PRDM5: variants seen among roughly 807,000 people sequenced by gnomAD.
The protein encoded by PRDM5 is PR domain zinc finger protein 5.
PRDM5 carries 56 observed loss-of-function variants against 81.2 expected under a neutral mutation model. The observed-to-expected ratio is 0.69, with a 90% confidence interval of 0.56 to 0.86. The LOEUF (loss-of-function observed/expected upper bound fraction) is 0.86, where lower values mean the gene tolerates loss of function less well. Among genes scored for constraint, PRDM5 ranks in the 40% least tolerant of loss-of-function variants. The pLI is 0.00. For synonymous variants in PRDM5, 267 were observed against 256.4 expected (o/e 1.04, Z -0.39); for missense variants, 697 against 770.1 (o/e 0.91, Z 1.12).
intron 2 of PRDM5, among the ~76,000 whole-genome samples, chr4:120,893,145 T>C (rs113247256): frequency 6.6e-6 from 1 of 152,340 alleles, no homozygotes; most frequent in African/African-American, 2.4e-5. Context: ...AGAAGGAAGA[T>C]GGCAGGCTGC....
chr4:120,824,437 T>C (rs981245780), intron 3 of PRDM5, among the ~76,000 whole-genome samples: 1 of 152,206 alleles, frequency 6.6e-6, no homozygotes, highest in Non-Finnish European at 1.5e-5. Flanking sequence ...CTGCTTGTGA[T>C]TCAAGTCACT....
rs563843611 is a variant in PRDM5, at chr4:120,889,510, C to T, written c.177+17964G>A. On this transcript the variant is annotated intron_variant, in intron 2 of 15. Transcript: ENST00000264808. ...TAAATTATAAAATCAATTTCCATACCATCACCCTCCTTGCAAAAAAAATTA... is the reference window on the plus strand; with the variant it reads ...TAAATTATAAAATCAATTTCCATACTATCACCCTCCTTGCAAAAAAAATTA... Among the ~76,000 whole-genome samples the T allele has an allele frequency of 1.8e-3, 273 of 152,122 alleles. 3 individuals are homozygous for T. The highest frequency in any genetic ancestry group is 3.7e-3 in the South Asian group (18 of 4,812).
chr4:120,870,002 A>C (rs1334459089), intron 2 of PRDM5, among the ~76,000 whole-genome samples: 1 of 150,954 alleles, frequency 6.6e-6, no homozygotes, highest in African/African-American at 2.5e-5. Context: ...AAGAGGAGGA[A>C]GTAGAGGAGA....
At chr4:120,706,899 A>C (rs1736249859) in intron 15 of PRDM5, among the ~76,000 whole-genome samples, 1 of 151,676 alleles carries the variant, frequency 6.6e-6, no homozygotes, top group Non-Finnish European at 1.5e-5. Context: ...AAAATTAAAA[A>C]GACCAATAAA....
chr4:120,714,293 T>C (rs190580892), intron 14 of PRDM5, among the ~76,000 whole-genome samples: 1 of 152,336 alleles, frequency 6.6e-6, no homozygotes, highest in East Asian at 1.9e-4. Context: ...TCCAATGAGA[T>C]ATATAATAGA....
chr4:120,768,904 T>C (rs909863872), intron 13 of PRDM5, among the ~76,000 whole-genome samples: 4 of 152,180 alleles, frequency 2.6e-5, no homozygotes, highest in Admixed American at 6.5e-5. Flanking sequence ...TGTTATACAG[T>C]TTGTTTTCCC....
intron 13 of PRDM5, among the ~76,000 whole-genome samples, chr4:120,757,268 T>G (rs2149163923): frequency 6.6e-6 from 1 of 152,314 alleles, no homozygotes; most frequent in East Asian, 1.9e-4. Context: ...TTCATACATT[T>G]TTTGGAATGT....
At chr4:120,854,775 C>G (rs952162361) in intron 2 of PRDM5, among the ~76,000 whole-genome samples, 20 of 151,866 alleles carry the variant, frequency 1.3e-4, no homozygotes, top group African/African-American at 4.6e-4. Context: ...TCCATGAGGC[C>G]ATCAGGAAAA....
At chr4:120,833,271 C>G (rs1756937792) in intron 3 of PRDM5, among the ~76,000 whole-genome samples, 1 of 152,086 alleles carries the variant, frequency 6.6e-6, no homozygotes, top group Non-Finnish European at 1.5e-5. Flanking sequence ...TCATCCCACC[C>G]GGGACAGGAG....
In PRDM5 at chr4:120,860,973, C is replaced by T. The variant is rs549827196; in HGVS notation, c.178-7433G>A. On this transcript the variant is annotated intron_variant, in intron 2 of 15. Coordinates refer to ENST00000264808, the MANE Select transcript of PRDM5 (RefSeq NM_018699.4). ...CCAATTTTTAATATAGATTTCAGAC[C>T]TGCAAAGACTTCTAGCCTTATAGTC... Among the ~76,000 whole-genome samples, 3 of 152,252 alleles carry T rather than the reference C, an allele frequency of 2.0e-5. No individual in the cohort carries two copies. The South Asian group carries it at 6.2e-4, about 32-fold the overall frequency.
At chr4:120,871,904 A>C (rs528157311) in intron 2 of PRDM5, among the ~76,000 whole-genome samples, 116 of 151,998 alleles carry the variant, frequency 7.6e-4, no homozygotes, top group Admixed American at 1.3e-3. Flanking sequence ...TGTTATCCCA[A>C]CACTTTGGGA....
At chr4:120,695,754 C>T (rs1442029002) in intron 15 of PRDM5, among the ~76,000 whole-genome samples, 1 of 151,994 alleles carries the variant, frequency 6.6e-6, no homozygotes, top group Non-Finnish European at 1.5e-5. Flanking sequence ...TGAGCTCTGC[C>T]ACATTCCCAC....
intron 8 of PRDM5, 64 bp from the exon 9 acceptor site, chr4:120,799,809 A>T (rs1751861768): frequency 6.3e-7 from 1 of 1,575,996 alleles, no homozygotes; most frequent in Middle Eastern, 1.9e-4. Context: ...ACAGCTCTCA[A>T]GCAAAAGTGT....
intron 10 of PRDM5, among the ~76,000 whole-genome samples, chr4:120,794,851 C>T (rs1411798825): frequency 1.3e-5 from 2 of 152,146 alleles, no homozygotes; most frequent in Non-Finnish European, 2.9e-5. Flanking sequence ...GTCTTGAACT[C>T]CGGACCTCAG....
chr4:120,728,443 A>C (rs903105616), intron 14 of PRDM5, among the ~76,000 whole-genome samples: 7 of 152,124 alleles, frequency 4.6e-5, no homozygotes, highest in Admixed American at 4.6e-4. Context: ...GTGTGTGTGT[A>C]TATATACATA....
At chr4:120,905,255 C>T (rs936935093) in intron 2 of PRDM5, among the ~76,000 whole-genome samples, 3 of 152,144 alleles carry the variant, frequency 2.0e-5, no homozygotes, top group Non-Finnish European at 2.9e-5. Flanking sequence ...ACTCCTCACC[C>T]CCAGCAGTTT....
chr4:120,863,053 G>A (rs989051379), intron 2 of PRDM5, among the ~76,000 whole-genome samples: 13 of 150,600 alleles, frequency 8.6e-5, no homozygotes, highest in African/African-American at 3.2e-4. Flanking sequence ...GGCTACTTGG[G>A]AGGCTGAGGC....
intron 1 of PRDM5, among the ~76,000 whole-genome samples, chr4:120,921,652 G>A (rs1724933062): frequency 6.6e-6 from 1 of 152,108 alleles, no homozygotes; most frequent in African/African-American, 2.4e-5. Flanking sequence ...TAAGAAAAGG[G>A]GGCGAGGACG....
At chr4:120,779,933 C>T (rs35006628) in intron 12 of PRDM5, among the ~76,000 whole-genome samples, 1 of 149,558 alleles carries the variant, frequency 6.7e-6, no homozygotes, top group African/African-American at 2.4e-5. Context: ...AACAAACAAA[C>T]AATATATATA....
Sources: allele counts gnomAD v4.1 joint callset (sites outside exome capture counted in the v4.1 genomes callset), GRCh38; gene constraint gnomAD v4.1.1; transcripts MANE v1.5; gene names NCBI Gene and HGNC (gene_info 2026-07-23, HGNC 2026-07-21).